The following MYH16 variants were observed in gnomAD, a reference collection of about 807,000 sequenced individuals.
MYH16 encodes the protein myosin heavy chain 16, also known as putative uncharacterized protein MYH16.
chr7:99,269,960 G>A (rs12669442), intron 18 of MYH16, among the ~76,000 whole-genome samples: 3 of 137,922 alleles, frequency 2.2e-5, no homozygotes, highest in African/African-American at 8.2e-5. Flanking sequence ...TGCAACCTCC[G>A]CCTCCCGGGT....
chr7:99,258,423 G>C, intron 11 of MYH16: 1 of 154,086 alleles, frequency 6.5e-6, no homozygotes. Flanking sequence ...TTTTTGCTTT[G>C]GGGTGGCTGT....
At chr7:99,251,538 A>G (rs904447170) in intron 6 of MYH16, among the ~76,000 whole-genome samples, 1 of 152,192 alleles carries the variant, frequency 6.6e-6, no homozygotes, top group Non-Finnish European at 1.5e-5. Context: ...ATTGTGCGAA[A>G]ACATTCTCTG....
chr7:99,295,143 C>T (rs1219062053), intron 33 of MYH16, among the ~76,000 whole-genome samples: 1 of 152,086 alleles, frequency 6.6e-6, no homozygotes, highest in Non-Finnish European at 1.5e-5. Context: ...CTTTGGGAGG[C>T]CGAGGCAGGC....
intron 5 of MYH16, among the ~76,000 whole-genome samples, chr7:99,250,774 T>G: frequency 6.6e-6 from 1 of 151,656 alleles, no homozygotes; most frequent in East Asian, 2.0e-4. Flanking sequence ...GGGAGGGGTT[T>G]CAGACTGCTC....
chr7:99,294,500 CAAAAAA>C (rs1159682450), intron 33 of MYH16, among the ~76,000 whole-genome samples: 10 of 25,562 alleles, frequency 3.9e-4, no homozygotes, highest in African/African-American at 7.3e-4. Context: ...GACCCTGTCT[CAAAAAA>C]AAAAAAAAAA....
At chr7:99,281,914 T>A (rs1792203979) in intron 23 of MYH16, among the ~76,000 whole-genome samples, 1 of 152,178 alleles carries the variant, frequency 6.6e-6, no homozygotes, top group Admixed American at 6.5e-5. Context: ...CCTGAGTGCC[T>A]CTCCCTGCTG....
intron 26 of MYH16, among the ~76,000 whole-genome samples, chr7:99,285,154 C>T (rs73408909): frequency 0.023 from 3,477 of 152,296 alleles, 137 homozygotes; most frequent in African/African-American, 0.08. Flanking sequence ...CCGAGTGTTT[C>T]CCTCCACTCT....
At chr7:99,244,045 C>G (rs1356957850) in intron 2 of MYH16, among the ~76,000 whole-genome samples, 2 of 152,052 alleles carry the variant, frequency 1.3e-5, no homozygotes, top group African/African-American at 4.8e-5. Context: ...ATCCAAACAT[C>G]GATCCATACA....
At chr7:99,271,649 T>C (rs866612167) in intron 19 of MYH16, among the ~76,000 whole-genome samples, 2 of 152,244 alleles carry the variant, frequency 1.3e-5, no homozygotes, top group Admixed American at 6.5e-5. Flanking sequence ...ATGTGATAAC[T>C]TGATACATTC....
intron 28 of MYH16, 183 bp from the exon 10 acceptor site, chr7:99,287,706 CACA>C (rs1792299403): frequency 2.8e-6 from 1 of 351,662 alleles, no homozygotes; most frequent in Admixed American, 3.8e-5. Context: ...CAATTTAACA[CACA>C]ACACCTCTAA....
intron 25 of MYH16, among the ~76,000 whole-genome samples, chr7:99,284,314 G>A (rs1792246013): frequency 6.6e-6 from 1 of 152,170 alleles, no homozygotes; most frequent in African/African-American, 2.4e-5. Flanking sequence ...GACCATGTTG[G>A]GTACAGTGGC....
At chr7:99,253,930 C>T (rs1791841060) in intron 8 of MYH16, 1 of 152,516 alleles carries the variant, frequency 6.6e-6, no homozygotes, top group South Asian at 2.1e-4. Context: ...TCCTAGGGTT[C>T]TGTGATAATG....
intron 38 of MYH16, among the ~76,000 whole-genome samples, chr7:99,302,439 C>T (rs1489704298): frequency 2.7e-5 from 4 of 150,680 alleles, no homozygotes; most frequent in Non-Finnish European, 4.4e-5. Flanking sequence ...GTGATGCATA[C>T]CATAATCCCA....
At chr7:99,239,326 C>T (rs984550243) in intron 1 of MYH16, among the ~76,000 whole-genome samples, 1 of 152,212 alleles carries the variant, frequency 6.6e-6, no homozygotes, top group African/African-American at 2.4e-5. Flanking sequence ...AGTTACTTAT[C>T]TTTGATGTCT....
At chr7:99,287,971 C>A (rs1342392587) in exon 29 of MYH16, 1 of 456,664 alleles carries the variant, frequency 2.2e-6, no homozygotes, top group Non-Finnish European at 4.4e-6. Context: ...CAGAGCGAGG[C>A]GACGGCCTCC....
At chr7:99,284,769 C>T in intron 25 of MYH16, 76 bp from the exon 8 acceptor site, 1 of 449,454 alleles carries the variant, frequency 2.2e-6, no homozygotes, top group South Asian at 1.6e-5. Context: ...CTCTGGCAGC[C>T]CAGGCGACAT....
chr7:99,249,557 G>A (rs1013272149), intron 4 of MYH16, among the ~76,000 whole-genome samples: 359 of 127,618 alleles, frequency 2.8e-3, no homozygotes, highest in Middle Eastern at 0.016. Context: ...AAAAAAAAAA[G>A]AAAAGAAAAG....
At chr7:99,260,967 T>A (rs1791932214) in intron 12 of MYH16, 1 of 152,224 alleles carries the variant, frequency 6.6e-6, no homozygotes, top group Admixed American at 6.5e-5. Flanking sequence ...CTCAGGAGGC[T>A]GAGGGAGGAG....
exon 10 of MYH16, chr7:99,257,363 G>T: frequency 5.6e-6 from 1 of 179,250 alleles, no homozygotes; most frequent in South Asian, 1.4e-4. Flanking sequence ...AAGCTGACGG[G>T]AGGTATCATG....
Sources: gnomAD v4.1 joint callset for allele counts (sites outside exome capture counted in the v4.1 genomes callset) on GRCh38, gnomAD v4.1.1 for gene constraint, MANE v1.5 for transcripts, NCBI Gene and HGNC (gene_info 2026-07-23, HGNC 2026-07-21) for gene names.